Variants in RGS9 observed in about 807,000 individuals in gnomAD.
RGS9 encodes regulator of G protein signaling 9, also known as regulator of G-protein signalling 9.
Under a neutral mutation model 102.0 loss-of-function variants are expected in RGS9, and 78 were observed. The ratio of observed to expected loss-of-function variants is 0.76; its 90% CI spans 0.64 to 0.92. The LOEUF (loss-of-function observed/expected upper bound fraction) is 0.92. Among genes scored for constraint, RGS9 ranks in the 40% least tolerant of loss-of-function variants. The probability of loss-of-function intolerance (pLI) is 0.00; values close to 1 mark genes in which losing one functional copy is unlikely to be tolerated. For missense variants in RGS9, 833 were observed against 866.1 expected (o/e 0.96, Z 0.48); for synonymous variants, 353 against 318.6 (o/e 1.11, Z -1.15).
chr17:65,188,988 A>C, intron 9 of RGS9: 1 of 470,188 alleles, frequency 2.1e-6, no homozygotes, highest in Non-Finnish European at 3.9e-6. Flanking sequence ...TTCTGTAGGC[A>C]CTATGCTAAA....
intron 6 of RGS9, among the ~76,000 whole-genome samples, chr17:65,161,708 ATATTTATTTATT>A (rs3034082): frequency 8.0e-5 from 11 of 137,236 alleles, no homozygotes; most frequent in African/African-American, 1.7e-4. Flanking sequence ...TTTTATTTAT[ATATTTATTTATT>A]TATTTATTTA....
At position 65,225,110 on chromosome 17, in the gene RGS9, C is replaced by G. The variant is rs1185171683; in HGVS notation, c.1516C>G (p.Pro506Ala). 11 of 1,613,930 alleles carry G rather than the reference C, an allele frequency of 6.8e-6. No homozygotes were observed. The highest frequency in any genetic ancestry group is 9.3e-6 in the Non-Finnish European group (11 of 1,180,024). ...CTCCTCCTGCCGCTCCCCCAGGAAG[C>G]CTTTCGCCTCACCCAGCCGCTTCAT... Reference protein sequence around the residue: ...FSSSCRSPRKPFASPSRFIRR... With the variant: ...FSSSCRSPRKAFASPSRFIRR... The change falls in exon 18 of 19, where the codon CCT becomes GCT. Residue 506 changes from proline (P) to alanine (A), a missense_variant. Around this residue, in one of 3 missense-constraint regions of RGS9, gnomAD observed 320 missense variants for 276.8 expected, o/e 1.16. Transcript: ENST00000262406.
chr17:65,186,035 G>T (rs1423773251), intron 9 of RGS9, among the ~76,000 whole-genome samples: 2 of 151,132 alleles, frequency 1.3e-5, no homozygotes, highest in African/African-American at 4.9e-5. Flanking sequence ...CCTTGGAGGT[G>T]CTTATGACAC....
At chr17:65,219,616 A>T (rs1567895154) in intron 17 of RGS9, among the ~76,000 whole-genome samples, 1 of 152,170 alleles carries the variant, frequency 6.6e-6, no homozygotes, top group Non-Finnish European at 1.5e-5. Context: ...AAGTACAAGG[A>T]TTTCCTTTAT....
At chr17:65,146,920 C>T (rs1266186045) in intron 1 of RGS9, among the ~76,000 whole-genome samples, 2 of 151,998 alleles carry the variant, frequency 1.3e-5, no homozygotes, top group South Asian at 2.1e-4. Flanking sequence ...GAAAATCAGG[C>T]ACTTCTTGGG....
intron 8 of RGS9, among the ~76,000 whole-genome samples, chr17:65,169,541 G>A (rs1223223781): frequency 1.3e-5 from 2 of 152,208 alleles, no homozygotes; most frequent in African/African-American, 2.4e-5. Context: ...GCCACATTTG[G>A]CAAGACACCT....
In RGS9 at chr17:65,173,406, T is replaced by C. The variant is rs894099389; in HGVS notation, c.583-4326T>C. On this transcript the variant is annotated intron_variant, in intron 8 of 18. Coordinates refer to ENST00000262406, the MANE Select transcript of RGS9 (RefSeq NM_003835.4). This position sits in a 1 kb window ranked among gnomAD's most constrained non-coding sequence, Gnocchi z 4.8. The stretch of plus-strand genomic sequence containing the variant: ...CGAGAAGTGTCCGTCAGCTCCACGC[T>C]GGCCTTGCTCTGTATGTGGGTTCCT... Among the ~76,000 whole-genome samples the C allele has an allele frequency of 1.3e-5, 2 of 151,764 alleles. No homozygotes were observed. Among genetic ancestry groups the C allele is most frequent in the Non-Finnish European group, 2.9e-5 (2 of 67,980 alleles).
intron 6 of RGS9, 88 bp downstream of exon 6, chr17:65,160,997 T>C: frequency 9.4e-7 from 1 of 1,068,198 alleles, no homozygotes; most frequent in Non-Finnish European, 1.5e-6. Context: ...ATCACTACAT[T>C]CATATGCGCC....
rs773480631 is a variant in RGS9 at position 65,227,343 on chromosome 17, G to A, written c.1961G>A (p.Gly654Glu). ...GTCLMDSEDA[G>E]TGESGDRATE... ...TGCTTGATGGACTCGGAGGATGCTG[G>A]AACAGGAGAGTCGGGTGACCGGGCC... Residue 654 changes from glycine to glutamate, a missense_variant, in exon 19 of 19, where the codon GGA becomes GAA. Coordinates refer to ENST00000262406, the MANE Select transcript of RGS9 (RefSeq NM_003835.4). 4 of 1,614,072 alleles carry A rather than the reference G, an allele frequency of 2.5e-6. No homozygotes were observed. Among genetic ancestry groups the A allele is most frequent in the South Asian group, 1.1e-5 (1 of 91,078 alleles).
intron 11 of RGS9, 79 bp from the exon 12 acceptor site, chr17:65,193,464 C>T: frequency 1.2e-6 from 1 of 867,584 alleles, no homozygotes; most frequent in Non-Finnish European, 2.0e-6. Context: ...AAGAGGACAG[C>T]CTGGTCAGTT....
intron 12 of RGS9, among the ~76,000 whole-genome samples, chr17:65,194,909 C>T (rs1024110767): frequency 3.3e-5 from 5 of 152,222 alleles, no homozygotes; most frequent in Non-Finnish European, 7.3e-5. Flanking sequence ...GGCCCTGATT[C>T]TCATCTTAAG....
chr17:65,168,118 C>G, intron 7 of RGS9, 82 bp from the exon 8 acceptor site: 1 of 883,138 alleles, frequency 1.1e-6, no homozygotes, highest in South Asian at 1.4e-5. Flanking sequence ...GGAGAGGGGT[C>G]TAGGTCATCA....
At chr17:65,183,003 A>G (rs111910333) in intron 9 of RGS9, among the ~76,000 whole-genome samples, 7 of 152,112 alleles carry the variant, frequency 4.6e-5, no homozygotes, top group African/African-American at 1.7e-4. Context: ...TTTACTTCAC[A>G]TGATCGCAAT....
At chr17:65,154,023 G>A (rs1326028153) in intron 2 of RGS9, among the ~76,000 whole-genome samples, 1 of 151,432 alleles carries the variant, frequency 6.6e-6, no homozygotes, top group Non-Finnish European at 1.5e-5. Context: ...ATATATAGTT[G>A]TGGCCAGGCA....
chr17:65,199,202 G>A (rs1912719461), intron 13 of RGS9, among the ~76,000 whole-genome samples: 2 of 152,098 alleles, frequency 1.3e-5, no homozygotes, highest in Admixed American at 1.3e-4. Flanking sequence ...TACAATTCAG[G>A]GGTTTTAGTG....
chr17:65,195,172 C>G (rs1293769041), intron 12 of RGS9, among the ~76,000 whole-genome samples: 4 of 152,182 alleles, frequency 2.6e-5, no homozygotes, highest in Admixed American at 1.3e-4. Flanking sequence ...CAAGCATGTG[C>G]GGACGCTGGC....
chr17:65,180,643 C>A (rs960980324), intron 9 of RGS9, among the ~76,000 whole-genome samples: 1 of 152,210 alleles, frequency 6.6e-6, no homozygotes, highest in Non-Finnish European at 1.5e-5. Context: ...AACCACTGCG[C>A]CTGGCTATCA....
chr17:65,154,332 G>A (rs1290174484), intron 2 of RGS9, among the ~76,000 whole-genome samples: 1 of 152,100 alleles, frequency 6.6e-6, no homozygotes, highest in Non-Finnish European at 1.5e-5. Flanking sequence ...TTACTATCTA[G>A]CGCTCTACAG....
intron 3 of RGS9, chr17:65,158,929 A>C (rs1441352874): frequency 8.6e-6 from 2 of 232,724 alleles, no homozygotes; most frequent in East Asian, 1.9e-4. Context: ...CTAAGCCATC[A>C]TATCCCCTGT....
Sources: gnomAD v4.1 joint callset for allele counts (sites outside exome capture counted in the v4.1 genomes callset) on GRCh38, gnomAD v4.1.1 for gene constraint, gnomAD v4.1.1 regional missense constraint, Gnocchi (gnomAD v3.1) non-coding constraint, MANE v1.5 for transcripts, NCBI Gene and HGNC (gene_info 2026-07-23, HGNC 2026-07-21) for gene names.